SEC16A: variants seen among roughly 807,000 people sequenced by gnomAD.
SEC16A encodes the protein SEC16 homolog A, endoplasmic reticulum export factor.
A neutral mutation model predicts 221.9 loss-of-function variants in SEC16A; 110 were observed. That is an observed-to-expected ratio of 0.50 (90% confidence interval 0.42 to 0.58). The LOEUF is 0.58. SEC16A is among the 20% of genes least tolerant of loss of function. The pLI, the probability that SEC16A is intolerant of heterozygous loss-of-function variation, is 0.00. For missense variants in SEC16A, 3,165 were observed against 3,097.8 expected (o/e 1.02, Z -0.52); for synonymous variants, 1,393 against 1,257.7 (o/e 1.11, Z -2.28).
chr9:136,469,322 C>T (rs1297256035), intron 4 of SEC16A, among the ~76,000 whole-genome samples: 4 of 152,186 alleles, frequency 2.6e-5, no homozygotes, highest in East Asian at 1.9e-4. Flanking sequence ...CTGGAGCTGA[C>T]GTGGTGTCAG....
At chr9:136,448,976 G>A (rs1415659159) in intron 23 of SEC16A, 2 of 627,908 alleles carry the variant, frequency 3.2e-6, no homozygotes, top group East Asian at 5.4e-5. Flanking sequence ...TGTACTTGGT[G>A]CCACAGAACT....
chr9:136,454,019 C>T (rs1838248587), intron 21 of SEC16A, 90 bp downstream of exon 21: 8 of 1,223,574 alleles, frequency 6.5e-6, no homozygotes, highest in Non-Finnish European at 9.3e-6. Context: ...TTGTTTCAAG[C>T]TCAAATAACT....
At position 136,448,933 on chromosome 9, in the gene SEC16A, T is replaced by C. The variant is rs1470874819; in HGVS notation, c.6313-772A>G. 8 of 664,110 alleles carry C rather than the reference T, an allele frequency of 1.2e-5. No individual in the cohort carries two copies. In the Admixed American group the frequency reaches 1.8e-4, roughly 15 times the overall value. 41.1% of individuals were successfully genotyped at this position (664,110 alleles called of 1,614,324 possible). A position where few individuals can be genotyped will look rare whatever the true frequency, so the allele number is the denominator to read the frequency against. ...TGGGAAGGTGAGACAGTTCTGGAGA[T>C]GGATGGTGGTGATGGCAACACAACA... On this transcript the variant is annotated intron_variant, in intron 23 of 31. Transcript: ENST00000684901.
chr9:136,449,002 G>A (rs1346376200), intron 23 of SEC16A, among the ~76,000 whole-genome samples: 2 of 152,192 alleles, frequency 1.3e-5, no homozygotes, highest in East Asian at 3.8e-4. Context: ...CTCAGAAAAT[G>A]GTAAAAATGT....
In SEC16A at chr9:136,448,618, C is replaced by T. The variant is rs1471198118; in HGVS notation, c.6313-457G>A. ...TGGAGGTGGGGAGCAGATCCAGACACACCAGGAGGATGGAGGTGGGGAGCA... is the reference window on the plus strand; with the variant it reads ...TGGAGGTGGGGAGCAGATCCAGACATACCAGGAGGATGGAGGTGGGGAGCA... On this transcript the variant is annotated intron_variant, in intron 23 of 31. Coordinates refer to ENST00000684901, the MANE Select transcript of SEC16A (RefSeq NM_014866.2). 2.3e-5 allele frequency: 16 copies of T among 692,684 alleles called. No individual in the cohort carries two copies. The African/African-American group carries it at 3.2e-4, about 14-fold the overall frequency. 42.9% of individuals were successfully genotyped at this position (692,684 alleles called of 1,614,324 possible).
chr9:136,456,822 G>A (rs1729886047), intron 18 of SEC16A, among the ~76,000 whole-genome samples: 1 of 152,228 alleles, frequency 6.6e-6, no homozygotes. Context: ...AGCAAAGGCT[G>A]CTGGACTCTG....
chr9:136,443,904 A>C lies in SEC16A; in HGVS notation c.6928-4T>G. 4 of 1,605,826 alleles carry C rather than the reference A, an allele frequency of 2.5e-6. No individual in the cohort carries two copies. Among genetic ancestry groups the C allele is most frequent in the Non-Finnish European group, 3.4e-6 (4 of 1,176,424 alleles). ...CAGCAGGGAGGTCGCCAGGAGCCTG[A>C]GAAGCACAGAGAAGTCACCTCAGCA... On this transcript the variant is annotated splice_region_variant and splice_polypyrimidine_tract_variant and intron_variant, in intron 30 of 31. Transcript: ENST00000684901.
intron 21 of SEC16A, among the ~76,000 whole-genome samples, chr9:136,453,754 C>A: frequency 6.6e-6 from 1 of 152,204 alleles, no homozygotes; most frequent in East Asian, 1.9e-4. Context: ...GGGACAAGAT[C>A]CACCAAATCG....
In SEC16A at chr9:136,474,145, G is replaced by T. The variant is rs372762133; in HGVS notation, c.3471C>A (p.Ala1157=). Residue 1157 remains alanine, a synonymous_variant, in exon 3 of 32, where the codon GCC becomes GCA. Transcript: ENST00000684901. ...ACAAAGGCCGGTAGTAGTAGTAGGCGGCCAGGTCCTGAGGCGGTGGGCCGG... is the reference window on the plus strand; with the variant it reads ...ACAAAGGCCGGTAGTAGTAGTAGGCTGCCAGGTCCTGAGGCGGTGGGCCGG... ...LAPGPPPQDL[A]AYYYYRPLYD... 7 of 1,613,200 alleles carry T rather than the reference G, an allele frequency of 4.3e-6. No homozygotes were observed. In the Admixed American group the frequency reaches 1.2e-4, roughly 27 times the overall value.
In SEC16A at chr9:136,466,964, C is replaced by T. The variant is rs769894425; in HGVS notation, c.3922G>A (p.Gly1308Arg). The T allele has an allele frequency of 5.6e-6, 9 of 1,612,818 alleles. No homozygotes were observed. Among genetic ancestry groups the T allele is most frequent in the Middle Eastern group, 1.7e-4 (1 of 6,054 alleles). Reference sequence around the variant, plus strand: ...CAGGGGTGCTCCACCAACCTGTCCCCGAAGGCAGAGTGCTCTCTCCTGTAT... The same window carrying T: ...CAGGGGTGCTCCACCAACCTGTCCCTGAAGGCAGAGTGCTCTCTCCTGTAT... Reference protein sequence around the residue: ...DAYRREHSAFGDRPEKRDNNW... With the variant: ...DAYRREHSAFRDRPEKRDNNW... Residue 1308 changes from glycine to arginine, a missense_variant, in exon 6 of 32, where the codon GGG becomes AGG. By Grantham distance (125) the Gly-to-Arg change is moderately radical. Transcript: ENST00000684901. The surrounding 1 kb of genome is among the most constrained non-coding windows in gnomAD (Gnocchi z 5.5).
At chr9:136,452,449 CAAAAAAAAAAAAAA>C (rs752510860) in intron 22 of SEC16A, among the ~76,000 whole-genome samples, 4 of 23,278 alleles carry the variant, frequency 1.7e-4, no homozygotes, top group African/African-American at 6.6e-4. Flanking sequence ...AACTCCATCT[CAAAAAAAAAAAAAA>C]AAAAAAAAAA....
rs779072205 is a variant in SEC16A at position 136,477,212 on chromosome 9, C to T, written c.404G>A (p.Gly135Glu). 1 of 1,613,870 alleles carries T rather than the reference C, an allele frequency of 6.2e-7. No individual in the cohort carries two copies. Among genetic ancestry groups the T allele is most frequent in the East Asian group, 2.2e-5 (1 of 44,888 alleles). Residue 135 changes from glycine to glutamate, a missense_variant, in exon 3 of 32, where the codon GGG (glycine) becomes GAG (glutamate). By Grantham distance (98) the Gly-to-Glu change is moderately conservative. Around this residue, in one of 3 missense-constraint regions of SEC16A, gnomAD observed 2,030 missense variants for 1,923.1 expected, o/e 1.06. Transcript: ENST00000684901. ...CTCTGCACTCCTGTTCATCTCAGGCCCAGGAGGTGCTGAAGGTGTCAATGC... is the reference window on the plus strand; with the variant it reads ...CTCTGCACTCCTGTTCATCTCAGGCTCAGGAGGTGCTGAAGGTGTCAATGC... ...SGALTPSAPP[G>E]PEMNRSAEVG...
chr9:136,482,850 CGCCCCGACCTCCACGGCCTG>C, intron 1 of SEC16A, 68 bp downstream of exon 1: 1 of 442,838 alleles, frequency 2.3e-6, no homozygotes, highest in Non-Finnish European at 3.0e-6. Context: ...CTCTCCTCCG[CGCCCCGACCTCCACGGCCTG>C]GCTCCGCCGG....
chr9:136,484,122 A>AGGCCCACCCT (rs1474815877), upstream of SEC16A: 1 of 166,544 alleles, frequency 6.0e-6, no homozygotes, highest in Non-Finnish European at 1.3e-5. Flanking sequence ...GGGCCCTCCC[A>AGGCCCACCCT]GGCCCACCCT....
Position 136,466,244 on chromosome 9 carries a change from T to C in SEC16A, c.4128+20A>G. ...TTCTAAACACAACCGTCCGCGTGTC[T>C]GTGAGGCGCCGCCGCGTACCTGGTG... On this transcript the variant is annotated intron_variant, in intron 7 of 31. Transcript: ENST00000684901. This position sits in a 1 kb window ranked among gnomAD's most constrained non-coding sequence, Gnocchi z 5.5. 1 of 1,587,814 alleles carries C rather than the reference T, an allele frequency of 6.3e-7. No individual in the cohort carries two copies. The highest frequency in any genetic ancestry group is 8.6e-7 in the Non-Finnish European group (1 of 1,165,224).
rs760574842 is a variant in SEC16A at position 136,453,396 on chromosome 9, A to C, written c.6159+32T>G. On this transcript the variant is annotated intron_variant, in intron 22 of 31. Coordinates refer to ENST00000684901, the MANE Select transcript of SEC16A (RefSeq NM_014866.2). The stretch of plus-strand genomic sequence containing the variant: ...TGCCCACTCGATGAACTTTATGGAA[A>C]ACAAACAGTTTAAGAAAATGTGACA... 2.6e-6 allele frequency: 4 copies of C among 1,558,756 alleles called. No homozygotes were observed. In the Admixed American group the frequency reaches 6.7e-5, roughly 26 times the overall value.
Position 136,454,126 on chromosome 9 carries a change from G to GCTTCCT in SEC16A, c.6053_6058dup (p.Glu2019_Ala2020insGluGlu). The GCTTCCT allele has an allele frequency of 6.4e-7, 1 of 1,551,638 alleles. No homozygotes were observed. The highest frequency in any genetic ancestry group is 2.0e-5 in the Admixed American group (1 of 51,120). ...AGCCCCACCTGGGTCTGGGCTCCTGGCTTCCTGGAGCAAGTGTCTCCTTTC... is the reference window on the plus strand; with the variant it reads ...AGCCCCACCTGGGTCTGGGCTCCTGGCTTCCTCTTCCTGGAGCAAGTGTCTCCTTTC... On this transcript the variant is annotated inframe_insertion, in exon 21 of 32. Coordinates refer to ENST00000684901, the MANE Select transcript of SEC16A (RefSeq NM_014866.2).
In SEC16A at chr9:136,447,586, A is replaced by C. The variant is rs762344246; in HGVS notation, c.6542T>G (p.Met2181Arg). 6.2e-7 allele frequency: 1 copy of C among 1,613,132 alleles called. No homozygotes were observed. Residue 2181 changes from methionine (M) to arginine (R), a missense_variant, in exon 26 of 32, where the codon ATG (methionine) becomes AGG (arginine). Physicochemically the swap from Met to Arg is moderately conservative, Grantham distance 91 (BLOSUM62 -1). Around this residue, in one of 3 missense-constraint regions of SEC16A, gnomAD observed 1,088 missense variants for 1,089.6 expected, o/e 1.00. Transcript: ENST00000684901. The surrounding 1 kb of genome is among the most constrained non-coding windows in gnomAD (Gnocchi z 5.5). ...ACCCTTACCTGCTCTTCTAGAGTAC[A>C]TGTTCACGGGGGCTCCAGGAGGCCC... ...LPGPPGAPVN[M>R]YSRRAAGTRA...
At chr9:136,467,179 C>G in intron 5 of SEC16A, 96 bp from the exon 6 acceptor site, 4 of 1,399,496 alleles carry the variant, frequency 2.9e-6, no homozygotes, top group Non-Finnish European at 3.9e-6. Context: ...GGACTTTATG[C>G]TCCAAGGACT....
Sources: gnomAD v4.1 joint callset for allele counts (sites outside exome capture counted in the v4.1 genomes callset) on GRCh38, gnomAD v4.1.1 for gene constraint, gnomAD v4.1.1 regional missense constraint, Gnocchi (gnomAD v3.1) non-coding constraint, MANE v1.5 for transcripts, NCBI Gene and HGNC (gene_info 2026-07-23, HGNC 2026-07-21) for gene names.